EBF1: variants seen among roughly 807,000 people sequenced by gnomAD.
EBF1 encodes the protein transcription factor COE1.
A neutral mutation model predicts 68.4 loss-of-function variants in EBF1; 10 were observed. The ratio of observed to expected loss-of-function variants is 0.15; its 90% CI spans 0.09 to 0.25. The LOEUF is 0.25. EBF1 is among the 10% of genes least tolerant of loss of function. The pLI, the probability that EBF1 is intolerant of heterozygous loss-of-function variation, is 1.00. For synonymous variants in EBF1, 298 were observed against 299.8 expected, an observed-to-expected ratio of 0.99 and a Z score of 0.06; for missense variants, 509 against 794.4, an observed-to-expected ratio of 0.64 and a Z score of 4.32.
chr5:159,007,641 A>G (rs760042839), intron 6 of EBF1, among the ~76,000 whole-genome samples: 4 of 152,206 alleles, frequency 2.6e-5, no homozygotes, highest in Non-Finnish European at 5.9e-5. Context: ...TCCTCCATGA[A>G]TGACCAAGTA....
chr5:159,076,492 C>T (rs1341593768), intron 5 of EBF1, among the ~76,000 whole-genome samples: 1 of 152,144 alleles, frequency 6.6e-6, no homozygotes, highest in Non-Finnish European at 1.5e-5. Context: ...TGAATTGAAG[C>T]ATTCCTTTCT....
intron 6 of EBF1, among the ~76,000 whole-genome samples, chr5:159,027,401 C>A (rs1024034704): frequency 2.0e-5 from 3 of 152,170 alleles, no homozygotes; most frequent in African/African-American, 7.2e-5. Context: ...CACTGTTCAT[C>A]CCCAGACCAG....
At chr5:158,746,904 A>G (rs2127582536) in intron 10 of EBF1, among the ~76,000 whole-genome samples, 1 of 152,310 alleles carries the variant, frequency 6.6e-6, no homozygotes, top group South Asian at 2.1e-4. Flanking sequence ...GACAATAGGT[A>G]TTGTGACCCT....
At chr5:158,905,718 A>G (rs774414247) in intron 6 of EBF1, among the ~76,000 whole-genome samples, 1 of 152,166 alleles carries the variant, frequency 6.6e-6, no homozygotes, top group Non-Finnish European at 1.5e-5. Context: ...TTTCTTGCTC[A>G]TTATTGAAAT....
intron 6 of EBF1, among the ~76,000 whole-genome samples, chr5:158,969,921 A>AAGAAAGAAAG (rs1561664392): frequency 1.4e-5 from 1 of 73,642 alleles, no homozygotes; most frequent in Non-Finnish European, 3.4e-5. Context: ...AGAAAGAAAA[A>AAGAAAGAAAG]AAAAAAAAAG....
chr5:158,780,083 A>T (rs1267623024), intron 9 of EBF1, among the ~76,000 whole-genome samples: 1 of 152,200 alleles, frequency 6.6e-6, no homozygotes, highest in Non-Finnish European at 1.5e-5. Flanking sequence ...CTTATGGAGG[A>T]AAAACATTTT....
At chr5:158,954,351 C>G (rs1816638904) in intron 6 of EBF1, among the ~76,000 whole-genome samples, 1 of 152,212 alleles carries the variant, frequency 6.6e-6, no homozygotes, top group African/African-American at 2.4e-5. Flanking sequence ...CCAAATGTGC[C>G]AGCAACGGTG....
chr5:159,087,425 T>TAC (rs1780908683), intron 4 of EBF1, among the ~76,000 whole-genome samples: 1 of 145,972 alleles, frequency 6.9e-6, no homozygotes, highest in Non-Finnish European at 1.5e-5. Context: ...TATACATATA[T>TAC]ACACACATAT....
rs539183892 is a variant in EBF1, at chr5:158,711,229, T to A, written c.1549+925A>T. Reference sequence around the variant, plus strand: ...ATCCAAGCATTAAAAAATAAAGGAGTCATATGTGTGTTCACCAGAGGAATG... The same window carrying A: ...ATCCAAGCATTAAAAAATAAAGGAGACATATGTGTGTTCACCAGAGGAATG... On this transcript the variant is annotated intron_variant, in intron 14 of 15. Coordinates refer to ENST00000313708, the MANE Select transcript of EBF1 (RefSeq NM_024007.5). 2.2e-4 allele frequency among the ~76,000 whole-genome samples: 34 copies of A among 151,814 alleles called. 1 individual carries two copies. In the East Asian group the frequency reaches 6.6e-3, roughly 29 times the overall value.
intron 6 of EBF1, among the ~76,000 whole-genome samples, chr5:159,011,404 G>A (rs1764638495): frequency 6.6e-6 from 1 of 152,166 alleles, no homozygotes; most frequent in Admixed American, 6.5e-5. Context: ...GCTGGCTGCC[G>A]GAAGCCCTCA....
chr5:158,734,826 A>G lies in EBF1; in HGVS notation c.1037-3669T>C, dbSNP rs538512591. On this transcript the variant is annotated intron_variant, in intron 10 of 15. Coordinates refer to ENST00000313708, the MANE Select transcript of EBF1 (RefSeq NM_024007.5). ...AAAACAGATGAAGCTGTAAACTGCA[A>G]GAGGAATGGAATGATGAGAACAGCT... Among the ~76,000 whole-genome samples, 3 of 152,324 alleles carry G rather than the reference A, an allele frequency of 2.0e-5. No individual in the cohort carries two copies. The South Asian group carries it at 6.2e-4, about 32-fold the overall frequency.
chr5:159,086,823 T>A lies in EBF1; in HGVS notation c.412-2084A>T, dbSNP rs6898651. Among the ~76,000 whole-genome samples the A allele has an allele frequency of 6.6e-5, 10 of 152,112 alleles. No homozygotes were observed. In the South Asian group the frequency reaches 2.1e-3, roughly 32 times the overall value. On this transcript the variant is annotated intron_variant, in intron 4 of 15. Coordinates refer to ENST00000313708, the MANE Select transcript of EBF1 (RefSeq NM_024007.5). ...GATTGTGTTAATATCTTACTATGTG[T>A]CAAATTTTCATCCACTAGTTTCAGC...
intron 11 of EBF1, among the ~76,000 whole-genome samples, chr5:158,721,550 T>A (rs1325874026): frequency 6.6e-6 from 1 of 152,224 alleles, no homozygotes; most frequent in Non-Finnish European, 1.5e-5. Context: ...AAATAAATGA[T>A]TTGGCTCATA....
chr5:158,932,142 A>G (rs1482209820), intron 6 of EBF1, among the ~76,000 whole-genome samples: 1 of 152,230 alleles, frequency 6.6e-6, no homozygotes, highest in Non-Finnish European at 1.5e-5. Flanking sequence ...AAACATTCAT[A>G]TCCTTTGAGC....
chr5:158,962,749 C>T (rs1282380698), intron 6 of EBF1, among the ~76,000 whole-genome samples: 1 of 152,196 alleles, frequency 6.6e-6, no homozygotes, highest in Non-Finnish European at 1.5e-5. Flanking sequence ...ATAAATCTCG[C>T]CTGCGGGACT....
Position 158,712,263 on chromosome 5 carries a change from G to C in EBF1, c.1440C>G (p.Asn480Lys), listed in dbSNP as rs1203904770. 1 of 1,614,142 alleles carries C rather than the reference G, an allele frequency of 6.2e-7. No homozygotes were observed. The highest frequency in any genetic ancestry group is 2.2e-5 in the East Asian group (1 of 44,884). The change falls in exon 14 of 16, where the codon AAC becomes AAG. Residue 480 changes from asparagine to lysine, a missense_variant. Physicochemically the swap from Asn to Lys is moderately conservative, Grantham distance 94. Around this residue, in one of 3 missense-constraint regions of EBF1, gnomAD observed 205 missense variants for 247.4 expected, o/e 0.83. Transcript: ENST00000313708. ...YVPSTTPQQT[N>K]YNSVTTSMNG... is the part of the protein sequence containing the mutation. ...TCATGCTCGTGGTGACGGAGTTATA[G>C]TTGGTCTGCTGGGGAGTGGTGCTCG...
intron 8 of EBF1, among the ~76,000 whole-genome samples, chr5:158,820,559 T>G (rs1372948489): frequency 1.3e-5 from 2 of 152,210 alleles, no homozygotes; most frequent in East Asian, 3.8e-4. Flanking sequence ...TTGTCATTAC[T>G]AAGAATTTGA....
chr5:158,829,444 C>T (rs937656782), intron 7 of EBF1, among the ~76,000 whole-genome samples: 3 of 151,798 alleles, frequency 2.0e-5, no homozygotes, highest in African/African-American at 7.3e-5. Context: ...GTCAGTCTCC[C>T]AAAGTGCTGG....
intron 9 of EBF1, 139 bp from the exon 10 acceptor site, chr5:158,777,678 C>T (rs1412963292): frequency 6.1e-6 from 5 of 826,292 alleles, no homozygotes; most frequent in Non-Finnish European, 5.3e-6. Context: ...ATGGAACCTG[C>T]GTGAAAGACA....
Sources: allele counts gnomAD v4.1 joint callset (sites outside exome capture counted in the v4.1 genomes callset), GRCh38; gene constraint gnomAD v4.1.1; regional missense constraint gnomAD v4.1.1; transcripts MANE v1.5; gene names NCBI Gene and HGNC (gene_info 2026-07-23, HGNC 2026-07-21).